The following SLCO6A1 variants were observed in gnomAD, a reference collection of about 807,000 sequenced individuals.
SLCO6A1 encodes cancer/testis antigen 48.
A neutral mutation model predicts 72.7 loss-of-function variants in SLCO6A1; 65 were observed. The ratio of observed to expected loss-of-function variants is 0.89; its 90% CI spans 0.73 to 1.10. The LOEUF (loss-of-function observed/expected upper bound fraction) is 1.10. SLCO6A1 is among the 50% of genes least tolerant of loss of function. The probability of loss-of-function intolerance (pLI) is 0.00; values close to 1 mark genes in which losing one functional copy is unlikely to be tolerated. For missense variants in SLCO6A1, 874 were observed against 872.6 expected (o/e 1.00, Z -0.02); for synonymous variants, 314 against 298.2 (o/e 1.05, Z -0.55).
intron 8 of SLCO6A1, among the ~76,000 whole-genome samples, chr5:102,414,089 T>C (rs891858808): frequency 1.3e-5 from 2 of 152,140 alleles, no homozygotes; most frequent in African/African-American, 4.8e-5. Context: ...CTGACAAGTT[T>C]CAATTTATCA....
At chr5:102,473,566 T>C (rs1008585167) in intron 4 of SLCO6A1, among the ~76,000 whole-genome samples, 1 of 151,908 alleles carries the variant, frequency 6.6e-6, no homozygotes, top group Non-Finnish European at 1.5e-5. Context: ...AACAAGTCCA[T>C]AGTTTGTTCT....
chr5:102,479,514 C>T (rs1356252305), intron 2 of SLCO6A1, among the ~76,000 whole-genome samples: 1 of 152,070 alleles, frequency 6.6e-6, no homozygotes, highest in Non-Finnish European at 1.5e-5. Context: ...TATCTTTCCG[C>T]TCACTCTTTC....
chr5:102,471,775 A>G (rs1444004666), intron 4 of SLCO6A1, among the ~76,000 whole-genome samples: 1 of 152,030 alleles, frequency 6.6e-6, no homozygotes. Context: ...CAGTTAACTC[A>G]CACTAGATCA....
intron 9 of SLCO6A1, among the ~76,000 whole-genome samples, chr5:102,409,174 T>C (rs529392629): frequency 1.3e-5 from 2 of 152,266 alleles, no homozygotes; most frequent in East Asian, 3.9e-4. Context: ...ATATTATCAA[T>C]ATCAACAGCA....
In SLCO6A1 at chr5:102,388,822, G is replaced by A; in HGVS notation, c.1883C>T (p.Thr628Ile). ...TTTAAAGATTGATGGTCCAGGAATA[G>A]TCCCTATGAAAAATGCAATGATTGT... The part of the protein sequence containing the change: ...VSYVILRIFG[T>I]IPGPSIFKMS... Residue 628 changes from threonine to isoleucine, a missense_variant, in exon 12 of 14, where the codon ACT (threonine) becomes ATT (isoleucine). By Grantham distance (89) the Thr-to-Ile change is moderately conservative. Coordinates refer to ENST00000506729, the MANE Select transcript of SLCO6A1 (RefSeq NM_173488.5). The A allele has an allele frequency of 6.3e-7, 1 of 1,592,660 alleles. No homozygotes were observed. Among genetic ancestry groups the A allele is most frequent in the Non-Finnish European group, 8.5e-7 (1 of 1,174,378 alleles).
At chr5:102,410,789 T>C (rs1424723840) in intron 9 of SLCO6A1, among the ~76,000 whole-genome samples, 1 of 152,108 alleles carries the variant, frequency 6.6e-6, no homozygotes, top group Non-Finnish European at 1.5e-5. Context: ...ATAACATATA[T>C]TCGAGTCACA....
At chr5:102,435,613 G>A (rs140486149) in intron 7 of SLCO6A1, among the ~76,000 whole-genome samples, 10,889 of 152,210 alleles carry the variant, frequency 0.072, 447 homozygotes, top group African/African-American at 0.1. Context: ...GGTGGCTCAC[G>A]CCTTTAATCC....
intron 8 of SLCO6A1, among the ~76,000 whole-genome samples, chr5:102,415,819 C>G (rs1259553144): frequency 6.6e-6 from 1 of 152,040 alleles, no homozygotes. Flanking sequence ...CCAACGAAGA[C>G]TAATATCCAG....
chr5:102,474,580 C>T (rs1445933572), intron 4 of SLCO6A1, among the ~76,000 whole-genome samples: 5 of 151,912 alleles, frequency 3.3e-5, no homozygotes, highest in African/African-American at 1.2e-4. Context: ...AAATGCACTA[C>T]ATAGAACTTA....
chr5:102,475,940 AAGAC>A (rs1751875931), intron 3 of SLCO6A1, 147 bp from the exon 4 acceptor site: 1 of 488,694 alleles, frequency 2.0e-6, no homozygotes, highest in Non-Finnish European at 3.5e-6. Context: ...AAATCAATAA[AAGAC>A]AGAGAAAAAC....
chr5:102,427,557 T>C (rs1246256485), intron 7 of SLCO6A1, among the ~76,000 whole-genome samples: 2 of 151,946 alleles, frequency 1.3e-5, no homozygotes, highest in African/African-American at 4.8e-5. Flanking sequence ...AACTGTAAGG[T>C]CATCAAAAAC....
intron 6 of SLCO6A1, among the ~76,000 whole-genome samples, chr5:102,439,574 G>T (rs1192158995): frequency 6.6e-6 from 1 of 152,014 alleles, no homozygotes; most frequent in Non-Finnish European, 1.5e-5. Flanking sequence ...ATTTTACATA[G>T]TGTGATTCTG....
At chr5:102,395,312 T>C (rs1250632399) in intron 10 of SLCO6A1, among the ~76,000 whole-genome samples, 2 of 152,124 alleles carry the variant, frequency 1.3e-5, no homozygotes, top group Admixed American at 6.6e-5. Flanking sequence ...GTCCTTGTGA[T>C]AGTTTGCTGA....
intron 12 of SLCO6A1, among the ~76,000 whole-genome samples, chr5:102,387,197 C>T (rs1442655374): frequency 6.6e-6 from 1 of 152,076 alleles, no homozygotes; most frequent in African/African-American, 2.4e-5. Flanking sequence ...AATAAGAACA[C>T]CAAGTGATTT....
rs1326590970 is a variant in SLCO6A1, at chr5:102,391,053, T to G, written c.1815-8A>C. On this transcript the variant is annotated splice_polypyrimidine_tract_variant and splice_region_variant and intron_variant, in intron 10 of 13. Transcript: ENST00000506729. ...AGTTTGTCAGGTACAACCCTGAAAG[T>G]AAATAGCAATGATATAATCAGCACA... 9 of 1,610,872 alleles carry G rather than the reference T, an allele frequency of 5.6e-6. No homozygotes were observed. The highest frequency in any genetic ancestry group is 7.6e-6 in the Non-Finnish European group (9 of 1,177,178).
intron 3 of SLCO6A1, among the ~76,000 whole-genome samples, chr5:102,476,383 CA>C (rs1455165907): frequency 6.6e-6 from 1 of 152,144 alleles, no homozygotes; most frequent in African/African-American, 2.4e-5. Context: ...GTTGATGTTA[CA>C]ATCTTTAGGT....
At chr5:102,479,997 A>T (rs992384392) in intron 2 of SLCO6A1, among the ~76,000 whole-genome samples, 180 bp downstream of exon 2, 4 of 152,320 alleles carry the variant, frequency 2.6e-5, no homozygotes, top group Admixed American at 2.0e-4. Context: ...TTCCTCTGTG[A>T]TGACATATAT....
chr5:102,445,408 T>C (rs536996040), intron 6 of SLCO6A1, among the ~76,000 whole-genome samples: 1 of 152,302 alleles, frequency 6.6e-6, no homozygotes, highest in African/African-American at 2.4e-5. Flanking sequence ...GTTTATGTCC[T>C]TTGCCCATTT....
intron 6 of SLCO6A1, among the ~76,000 whole-genome samples, chr5:102,446,674 A>C (rs545656331): frequency 6.6e-6 from 1 of 152,270 alleles, no homozygotes; most frequent in Non-Finnish European, 1.5e-5. Context: ...TTCCCCATTC[A>C]GTATGATGTT....
Sources: allele counts gnomAD v4.1 joint callset (sites outside exome capture counted in the v4.1 genomes callset), GRCh38; gene constraint gnomAD v4.1.1; transcripts MANE v1.5; gene names NCBI Gene and HGNC (gene_info 2026-07-23, HGNC 2026-07-21).